NUBP1: variants seen among roughly 807,000 people sequenced by gnomAD.
The protein encoded by NUBP1 is NUBP iron-sulfur cluster assembly factor 1, cytosolic, also known as cytosolic Fe-S cluster assembly factor NUBP1.
In NUBP1, 46 loss-of-function variants were observed where a neutral mutation model predicts 41.8. That is an observed-to-expected ratio of 1.10 (90% CI 0.87 to 1.41). The LOEUF (loss-of-function observed/expected upper bound fraction) is 1.41. Among genes scored for constraint, NUBP1 ranks in the 40% most tolerant of loss-of-function variants. NUBP1 has a pLI of 0.00. For missense variants in NUBP1, 494 were observed against 414.0 expected (o/e 1.19, Z -1.68); for synonymous variants, 189 against 154.6 (o/e 1.22, Z -1.65).
chr16:10,758,695 A>G (rs1307934125), intron 7 of NUBP1, among the ~76,000 whole-genome samples: 2 of 152,180 alleles, frequency 1.3e-5, no homozygotes, highest in African/African-American at 2.4e-5. Context: ...CAGGTCCCCC[A>G]GCCTACAGTG....
rs950446171 is a variant in NUBP1 at position 10,749,842 on chromosome 16, C to T, written c.258+2566C>T. Reference sequence around the variant, plus strand: ...CAAAGGGCCTTGGATCAAGAGAGAGCAGAATTAGAAAACACCCCTGACGAG... The same window carrying T: ...CAAAGGGCCTTGGATCAAGAGAGAGTAGAATTAGAAAACACCCCTGACGAG... On this transcript the variant is annotated intron_variant, in intron 3 of 10. Transcript: ENST00000283027. This position sits in a 1 kb window ranked among gnomAD's most constrained non-coding sequence, Gnocchi z 4.1. Among the ~76,000 whole-genome samples, 6 of 152,284 alleles carry T rather than the reference C, an allele frequency of 3.9e-5. No individual in the cohort carries two copies. The East Asian group carries it at 7.7e-4, about 20-fold the overall frequency.
rs1900623050 is a variant in NUBP1, at chr16:10,757,255, G to A, written c.451+475G>A. ...TGCAGTGAGCCAAGATCATGCCACT[G>A]CACTCCAGCCTGTGTGACAGAGCGA... On this transcript the variant is annotated intron_variant, in intron 6 of 10. Transcript: ENST00000283027. The surrounding 1 kb of genome is among the most constrained non-coding windows in gnomAD (Gnocchi z 4.1). 6.6e-6 allele frequency among the ~76,000 whole-genome samples: 1 copy of A among 152,128 alleles called. No individual in the cohort carries two copies. Among genetic ancestry groups the A allele is most frequent in the South Asian group, 2.1e-4 (1 of 4,826 alleles).
At chr16:10,755,862 C>A in intron 5 of NUBP1, 109 bp downstream of exon 5, 2 of 1,016,154 alleles carry the variant, frequency 2.0e-6, no homozygotes, top group Non-Finnish European at 3.0e-6. Context: ...CTTTTCGAGG[C>A]ACAGAGGATG....
At chr16:10,750,039 A>G (rs2055750713) in intron 3 of NUBP1, among the ~76,000 whole-genome samples, 1 of 152,072 alleles carries the variant, frequency 6.6e-6, no homozygotes, top group African/African-American at 2.4e-5. Flanking sequence ...AACATAAAAC[A>G]TAAAAAAAGT....
Position 10,757,075 on chromosome 16 carries a change from G to T in NUBP1, c.451+295G>T, listed in dbSNP as rs1046847415. Reference sequence around the variant, plus strand: ...AGCACTTTGGGAGGCCGAGGCAGGTGGATCACCTGAGGTCAGGAGTTCAAG... The same window carrying T: ...AGCACTTTGGGAGGCCGAGGCAGGTTGATCACCTGAGGTCAGGAGTTCAAG... On this transcript the variant is annotated intron_variant, in intron 6 of 10. Transcript: ENST00000283027. This position sits in a 1 kb window ranked among gnomAD's most constrained non-coding sequence, Gnocchi z 4.1. Among the ~76,000 whole-genome samples, 2 of 152,144 alleles carry T rather than the reference G, an allele frequency of 1.3e-5. No homozygotes were observed. Among genetic ancestry groups the T allele is most frequent in the East Asian group, 3.8e-4 (2 of 5,196 alleles).
chr16:10,763,171 G>A (rs774581482), intron 9 of NUBP1, among the ~76,000 whole-genome samples: 34 of 152,132 alleles, frequency 2.2e-4, no homozygotes, highest in South Asian at 6.2e-4. Flanking sequence ...GGGGTGCTGC[G>A]GCTAAGGGGC....
At chr16:10,762,862 GA>G (rs2030201816) in intron 9 of NUBP1, among the ~76,000 whole-genome samples, 2 of 152,132 alleles carry the variant, frequency 1.3e-5, no homozygotes, top group Non-Finnish European at 2.9e-5. Flanking sequence ...GGGGAGGGCG[GA>G]GGCCACGTGG....
intron 4 of NUBP1, among the ~76,000 whole-genome samples, chr16:10,755,100 A>G (rs1483833642): frequency 1.3e-5 from 2 of 152,220 alleles, no homozygotes; most frequent in Non-Finnish European, 2.9e-5. Context: ...GTGACTGTAC[A>G]GAAAGCCACT....
At chr16:10,745,997 G>A (rs914396095) in intron 2 of NUBP1, among the ~76,000 whole-genome samples, 1 of 152,220 alleles carries the variant, frequency 6.6e-6, no homozygotes, top group Non-Finnish European at 1.5e-5. Flanking sequence ...CAAAGATTTA[G>A]GGGCCAGCAA....
chr16:10,757,798 TAAAA>T lies in NUBP1; in HGVS notation c.452-68_452-65del. ...GGCAACATAGCAAGACCCCATCCTT[TAAAA>T]AAAAAAGAGGGAGTTGAAAGTACAG... On this transcript the variant is annotated intron_variant, in intron 6 of 10. Coordinates refer to ENST00000283027, the MANE Select transcript of NUBP1 (RefSeq NM_002484.4). The surrounding 1 kb of genome is among the most constrained non-coding windows in gnomAD (Gnocchi z 4.1). The T allele has an allele frequency of 8.2e-7, 1 of 1,222,244 alleles. No individual in the cohort carries two copies. The highest frequency in any genetic ancestry group is 1.5e-5 in the South Asian group (1 of 65,506). The allele number at this position is 1,222,244 out of a possible 1,614,324, so 75.7% of individuals were successfully genotyped here. A position where few individuals can be genotyped will look rare whatever the true frequency, so the allele number is the denominator to read the frequency against.
chr16:10,758,655 G>A (rs903853412), intron 7 of NUBP1, among the ~76,000 whole-genome samples: 6 of 152,152 alleles, frequency 3.9e-5, no homozygotes, highest in Non-Finnish European at 5.9e-5. Context: ...TGTGCTGCCT[G>A]GCCCCGTCAG....
At chr16:10,762,011 C>G (rs912669746) in intron 9 of NUBP1, 152 bp downstream of exon 9, 2 of 603,570 alleles carry the variant, frequency 3.3e-6, no homozygotes, top group African/African-American at 1.9e-5. Flanking sequence ...GCTGGCACCC[C>G]AAGAGGCCAC....
Position 10,767,277 on chromosome 16 carries a change from G to A in NUBP1, c.821-672G>A. On this transcript the variant is annotated intron_variant, in intron 9 of 10. Transcript: ENST00000283027. The surrounding 1 kb of genome is among the most constrained non-coding windows in gnomAD (Gnocchi z 4.6). ...CCTTGTGTCCTGTCCACCTGGCTCT[G>A]GGATAACATGGTCCTAGAGAAACCT... 2.5e-6 allele frequency: 1 copy of A among 399,128 alleles called. No individual in the cohort carries two copies. Among genetic ancestry groups the A allele is most frequent in the Non-Finnish European group, 4.4e-6 (1 of 226,484 alleles). The allele number at this position is 399,128 out of a possible 1,614,324, so 24.7% of individuals were successfully genotyped here.
intron 2 of NUBP1, among the ~76,000 whole-genome samples, chr16:10,745,647 AG>A (rs769289833): frequency 1.1e-4 from 16 of 152,246 alleles, no homozygotes; most frequent in South Asian, 2.1e-4. Context: ...TTTCATTAAA[AG>A]GGGAAAAAGC....
At position 10,769,146 on chromosome 16, in the gene NUBP1, C is replaced by T; in HGVS notation, c.*41C>T. The T allele has an allele frequency of 1.3e-6, 2 of 1,591,422 alleles. No homozygotes were observed. The highest frequency in any genetic ancestry group is 8.6e-7 in the Non-Finnish European group (1 of 1,159,808). On this transcript the variant is annotated 3_prime_UTR_variant, in exon 11 of 11. Transcript: ENST00000283027. ...AGGACCAAGCAGTTACCGAGCGAGG[C>T]ACTCACTGGGCAGCACATCCAGCCA... is the stretch of plus-strand genomic sequence containing the variant.
rs542281578 is a variant in NUBP1 at position 10,745,602 on chromosome 16, C to T, written c.124+1537C>T. ...GACAGAAACATCTGTGGCCTGTGCT[C>T]GATGGAGTGGTTCCAGAAGGCTGGT... On this transcript the variant is annotated intron_variant, in intron 2 of 10. Transcript: ENST00000283027. Among the ~76,000 whole-genome samples, 7 of 152,260 alleles carry T rather than the reference C, an allele frequency of 4.6e-5. No homozygotes were observed. The South Asian group carries it at 6.2e-4, about 14-fold the overall frequency.
At chr16:10,744,494 G>A (rs1286922268) in intron 2 of NUBP1, among the ~76,000 whole-genome samples, 1 of 152,214 alleles carries the variant, frequency 6.6e-6, no homozygotes, top group Non-Finnish European at 1.5e-5. Flanking sequence ...TCCTTTTGAG[G>A]AGTGATTCTC....
At chr16:10,748,064 C>T (rs896970798) in intron 3 of NUBP1, among the ~76,000 whole-genome samples, 1 of 152,158 alleles carries the variant, frequency 6.6e-6, no homozygotes, top group Non-Finnish European at 1.5e-5. Context: ...TATCCTCCCA[C>T]CTCAGCCTCT....
In NUBP1 at chr16:10,756,679, T is replaced by G. The variant is rs774680340; in HGVS notation, c.361-11T>G. ...AAAGCGTGTCTTGCCCTCACCCTGT[T>G]CCCTCTGCAGTACGTGGAAGACAAC... On this transcript the variant is annotated splice_polypyrimidine_tract_variant and intron_variant, in intron 5 of 10. Transcript: ENST00000283027. 6.5e-7 allele frequency: 1 copy of G among 1,545,628 alleles called. No individual in the cohort carries two copies. Among genetic ancestry groups the G allele is most frequent in the Non-Finnish European group, 8.7e-7 (1 of 1,154,666 alleles).
Sources: allele counts gnomAD v4.1 joint callset (sites outside exome capture counted in the v4.1 genomes callset), GRCh38; gene constraint gnomAD v4.1.1; non-coding constraint Gnocchi (gnomAD v3.1); transcripts MANE v1.5; gene names NCBI Gene and HGNC (gene_info 2026-07-23, HGNC 2026-07-21).